Variants in CHST8 observed in about 807,000 individuals in gnomAD.
The protein encoded by CHST8 is carbohydrate sulfotransferase 8.
Under a neutral mutation model 15.0 loss-of-function variants are expected in CHST8, and 10 were observed. The ratio of observed to expected loss-of-function variants is 0.67; its 90% CI spans 0.41 to 1.13. The LOEUF (loss-of-function observed/expected upper bound fraction) is 1.13. Among genes scored for constraint, CHST8 ranks in the 50% most tolerant of loss-of-function variants. The probability of loss-of-function intolerance (pLI) is 0.00; values close to 1 mark genes in which losing one functional copy is unlikely to be tolerated. For synonymous variants in CHST8, 259 were observed against 256.6 expected (o/e 1.01, Z -0.09); for missense variants, 634 against 608.2 (o/e 1.04, Z -0.45).
chr19:33,755,823 G>A (rs1205967644), intron 3 of CHST8, among the ~76,000 whole-genome samples: 2 of 152,184 alleles, frequency 1.3e-5, no homozygotes, highest in South Asian at 2.1e-4. Context: ...CTCCTTTCAC[G>A]GTGACCCCAG....
intron 1 of CHST8, 97 bp downstream of exon 1, chr19:33,622,393 T>A (rs1971996112): frequency 2.0e-5 from 3 of 152,130 alleles, no homozygotes; most frequent in African/African-American, 7.2e-5. Flanking sequence ...GGCCCCGGAC[T>A]GCACCGCTCG....
At chr19:33,683,079 T>C (rs1972917143) in intron 2 of CHST8, among the ~76,000 whole-genome samples, 1 of 152,100 alleles carries the variant, frequency 6.6e-6, no homozygotes, top group African/African-American at 2.4e-5. Context: ...AGATTTCACA[T>C]GAACTGAATG....
At chr19:33,670,796 C>T (rs2145231801) in intron 2 of CHST8, among the ~76,000 whole-genome samples, 1 of 152,284 alleles carries the variant, frequency 6.6e-6, no homozygotes, top group South Asian at 2.1e-4. Flanking sequence ...GTTCATCTCC[C>T]CTAAAGTAGT....
chr19:33,769,444 C>T lies in CHST8; in HGVS notation c.131-1969C>T, dbSNP rs907148392. Among the ~76,000 whole-genome samples the T allele has an allele frequency of 3.5e-4, 54 of 152,136 alleles. 1 individual carries two copies. The highest frequency in any genetic ancestry group is 1.3e-3 in the African/African-American group (52 of 41,428). On this transcript the variant is annotated intron_variant, in intron 3 of 4. Transcript: ENST00000650847. ...GTTTAGCAGAGCCAGCTGCCATAAC[C>T]AGAAGAAAATAATTAAGGAAATCTG...
At chr19:33,721,829 A>G (rs1223559973) in intron 3 of CHST8, among the ~76,000 whole-genome samples, 1 of 145,550 alleles carries the variant, frequency 6.9e-6, no homozygotes, top group East Asian at 2.2e-4. Flanking sequence ...GGAGGGATAG[A>G]TGTTTGTATA....
intron 3 of CHST8, among the ~76,000 whole-genome samples, chr19:33,703,752 A>G (rs1973389808): frequency 6.6e-6 from 1 of 152,232 alleles, no homozygotes; most frequent in Non-Finnish European, 1.5e-5. Context: ...CTTCACCATT[A>G]TATGCCTGCT....
chr19:33,650,518 C>CTTTTTTTTTTTTTTTTT lies in CHST8; in HGVS notation c.-163-17236_-163-17220dup, dbSNP rs869057036. ...TTCTTTTTCTTTTTCTTTTTCTTTT[C>CTTTTTTTTTTTTTTTTT]TTTTTTTTTTTTTTTTTTTTTTTTT... On this transcript the variant is annotated intron_variant, in intron 1 of 4. Coordinates refer to ENST00000650847, the MANE Select transcript of CHST8 (RefSeq NM_001127895.2). Among the ~76,000 whole-genome samples the CTTTTTTTTTTTTTTTTT allele has an allele frequency of 4.5e-3, 163 of 36,122 alleles. 17 individuals are homozygous for CTTTTTTTTTTTTTTTTT. The highest frequency in any genetic ancestry group is 7.6e-3 in the East Asian group (8 of 1,052). 23.7% of individuals were successfully genotyped at this position (36,122 alleles called of 152,430 possible).
At chr19:33,658,304 C>T (rs1972540005) in intron 1 of CHST8, among the ~76,000 whole-genome samples, 1 of 152,214 alleles carries the variant, frequency 6.6e-6, no homozygotes, top group Non-Finnish European at 1.5e-5. Flanking sequence ...CACACCACTG[C>T]ACTCCAGCCT....
chr19:33,741,994 C>T (rs1010969573), intron 3 of CHST8, among the ~76,000 whole-genome samples: 3 of 152,030 alleles, frequency 2.0e-5, no homozygotes, highest in African/African-American at 7.3e-5. Flanking sequence ...ACCCTATGTG[C>T]CCTCACTGTA....
intron 1 of CHST8, among the ~76,000 whole-genome samples, chr19:33,635,776 T>A (rs1282806255): frequency 6.6e-6 from 1 of 152,102 alleles, no homozygotes; most frequent in Non-Finnish European, 1.5e-5. Context: ...ATGGAAGGCT[T>A]CTTGGAGGAG....
At chr19:33,748,233 C>T (rs1974350025) in intron 3 of CHST8, among the ~76,000 whole-genome samples, 1 of 152,224 alleles carries the variant, frequency 6.6e-6, no homozygotes, top group Non-Finnish European at 1.5e-5. Flanking sequence ...CACTGGATGG[C>T]GGTGAGCTCA....
At chr19:33,722,142 T>C (rs759842079) in intron 3 of CHST8, among the ~76,000 whole-genome samples, 5 of 145,328 alleles carry the variant, frequency 3.4e-5, no homozygotes, top group African/African-American at 7.8e-5. Flanking sequence ...AATGGATGGA[T>C]GGACAGATAG....
intron 3 of CHST8, among the ~76,000 whole-genome samples, chr19:33,764,246 A>T (rs1974788693): frequency 6.6e-6 from 1 of 152,094 alleles, no homozygotes; most frequent in African/African-American, 2.4e-5. Flanking sequence ...CCCCAAACAC[A>T]CCGAGAACCA....
chr19:33,670,365 C>G (rs1972721498), intron 2 of CHST8, among the ~76,000 whole-genome samples: 1 of 152,172 alleles, frequency 6.6e-6, no homozygotes, highest in Non-Finnish European at 1.5e-5. Flanking sequence ...TTTTAATCAT[C>G]TGAGAAAAGA....
intron 3 of CHST8, among the ~76,000 whole-genome samples, chr19:33,700,380 G>C (rs991608379): frequency 1.3e-5 from 2 of 152,226 alleles, no homozygotes; most frequent in African/African-American, 4.8e-5. Flanking sequence ...AGAACCCAGT[G>C]TTTCTAAACA....
intron 3 of CHST8, among the ~76,000 whole-genome samples, chr19:33,715,664 T>A (rs1332544590): frequency 6.6e-6 from 1 of 152,216 alleles, no homozygotes; most frequent in African/African-American, 2.4e-5. Flanking sequence ...CAGGCTGACC[T>A]TCACCTTGCT....
At chr19:33,740,314 G>A (rs1020454078) in intron 3 of CHST8, among the ~76,000 whole-genome samples, 1 of 152,166 alleles carries the variant, frequency 6.6e-6, no homozygotes, top group African/African-American at 2.4e-5. Context: ...TCAAGGCTGT[G>A]GGCATCGGTT....
At chr19:33,713,937 G>A (rs374244204) in intron 3 of CHST8, among the ~76,000 whole-genome samples, 1 of 152,144 alleles carries the variant, frequency 6.6e-6, no homozygotes, top group Admixed American at 6.5e-5. Context: ...AGGGCTGGGG[G>A]CAAGAACAGC....
At chr19:33,720,329 A>G (rs1973762224) in intron 3 of CHST8, among the ~76,000 whole-genome samples, 1 of 151,726 alleles carries the variant, frequency 6.6e-6, no homozygotes, top group African/African-American at 2.4e-5. Context: ...CACTGCACAC[A>G]CACACCACAC....
Sources: gnomAD v4.1 joint callset for allele counts (sites outside exome capture counted in the v4.1 genomes callset) on GRCh38, gnomAD v4.1.1 for gene constraint, MANE v1.5 for transcripts, NCBI Gene and HGNC (gene_info 2026-07-23, HGNC 2026-07-21) for gene names.